Variants in TMEM132C observed in about 807,000 individuals in gnomAD.
TMEM132C encodes the protein transmembrane protein 132C.
A neutral mutation model predicts 61.4 loss-of-function variants in TMEM132C; 29 were observed. That is an observed-to-expected ratio of 0.47 (90% CI 0.35 to 0.64). The LOEUF (loss-of-function observed/expected upper bound fraction) is 0.64, where lower values mean the gene tolerates loss of function less well. TMEM132C is among the 30% of genes least tolerant of loss of function. TMEM132C has a pLI of 0.00. For synonymous variants in TMEM132C, 656 were observed against 633.1 expected (o/e 1.04, Z -0.54); for missense variants, 1,408 against 1,476.9 (o/e 0.95, Z 0.76).
intron 1 of TMEM132C, among the ~76,000 whole-genome samples, chr12:128,330,360 C>T (rs1460659377): frequency 6.6e-6 from 1 of 152,128 alleles, no homozygotes; most frequent in East Asian, 1.9e-4. Context: ...CCATAACCAA[C>T]CTCGAATATG....
chr12:128,329,846 T>C (rs1872627103), intron 1 of TMEM132C, among the ~76,000 whole-genome samples: 1 of 152,128 alleles, frequency 6.6e-6, no homozygotes, highest in African/African-American at 2.4e-5. Context: ...AGCCAAATAT[T>C]TACTCAAGAT....
In TMEM132C at chr12:128,630,555, G is replaced by GTC. The variant is rs1954057464; in HGVS notation, c.1305+14223_1305+14224dup. Among the ~76,000 whole-genome samples the GTC allele has an allele frequency of 6.6e-6, 1 of 152,094 alleles. No homozygotes were observed. The highest frequency in any genetic ancestry group is 1.5e-5 in the Non-Finnish European group (1 of 68,026). On this transcript the variant is annotated intron_variant, in intron 4 of 8. Coordinates refer to ENST00000435159, the MANE Select transcript of TMEM132C (RefSeq NM_001136103.3). The surrounding 1 kb of genome is among the most constrained non-coding windows in gnomAD (Gnocchi z 4.3). ...CTGAGCTTTCCCCACTCCCTTTGCA[G>GTC]TCTCATCTCTGCCAGACACGATGCT...
intron 2 of TMEM132C, among the ~76,000 whole-genome samples, chr12:128,450,553 T>C (rs1451210927): frequency 6.6e-6 from 1 of 152,228 alleles, no homozygotes; most frequent in Non-Finnish European, 1.5e-5. Flanking sequence ...ACTGGTAAGA[T>C]ACCAAATTTT....
At chr12:128,447,774 C>T (rs1297966831) in intron 2 of TMEM132C, among the ~76,000 whole-genome samples, 1 of 80,074 alleles carries the variant, frequency 1.2e-5, no homozygotes, top group African/African-American at 7.2e-5. Context: ...GGCCGGACTG[C>T]GGACTGCAGT....
Position 128,630,681 on chromosome 12 carries a change from A to G in TMEM132C, c.1305+14346A>G, listed in dbSNP as rs1416801406. ...GTCCACTCCCTAGTCCTCACCTTCC[A>G]GATCACTGCTCAATATCTAGTCGAT... On this transcript the variant is annotated intron_variant, in intron 4 of 8. Coordinates refer to ENST00000435159, the MANE Select transcript of TMEM132C (RefSeq NM_001136103.3). This position sits in a 1 kb window ranked among gnomAD's most constrained non-coding sequence, Gnocchi z 4.3. 6.6e-6 allele frequency among the ~76,000 whole-genome samples: 1 copy of G among 152,170 alleles called. No homozygotes were observed. The highest frequency in any genetic ancestry group is 2.4e-5 in the African/African-American group (1 of 41,432).
chr12:128,631,949 C>T (rs1231302187), intron 4 of TMEM132C, among the ~76,000 whole-genome samples: 1 of 152,194 alleles, frequency 6.6e-6, no homozygotes, highest in Non-Finnish European at 1.5e-5. Context: ...TGCCTGCCTC[C>T]CGCATAACCT....
chr12:128,684,488 C>T (rs939155551), intron 5 of TMEM132C, among the ~76,000 whole-genome samples: 11 of 152,312 alleles, frequency 7.2e-5, no homozygotes, highest in Admixed American at 4.6e-4. Context: ...CAAAGTGGGG[C>T]GGGCAACCAG....
intron 5 of TMEM132C, among the ~76,000 whole-genome samples, chr12:128,678,128 A>AGG (rs1954608494): frequency 6.6e-6 from 1 of 152,342 alleles, no homozygotes; most frequent in East Asian, 1.9e-4. Flanking sequence ...TCCCTCCCTA[A>AGG]ACAGCAGGAC....
At chr12:128,696,202 C>T in intron 7 of TMEM132C, 99 bp downstream of exon 7, 1 of 1,433,640 alleles carries the variant, frequency 7.0e-7, no homozygotes, top group Non-Finnish European at 9.4e-7. Context: ...GATTCCCCAA[C>T]CCATGTGTAT....
At chr12:128,513,982 T>C (rs1297937126) in intron 2 of TMEM132C, among the ~76,000 whole-genome samples, 1 of 152,230 alleles carries the variant, frequency 6.6e-6, no homozygotes, top group Non-Finnish European at 1.5e-5. Context: ...GCCTCTTGGC[T>C]GGTCTGAGTT....
intron 3 of TMEM132C, among the ~76,000 whole-genome samples, chr12:128,547,408 A>AT (rs1210854567): frequency 1.3e-5 from 2 of 151,202 alleles, no homozygotes; most frequent in African/African-American, 4.9e-5. Context: ...ACAAAAAAAA[A>AT]AAAAAATTAG....
At chr12:128,467,653 G>A (rs530162339) in intron 2 of TMEM132C, among the ~76,000 whole-genome samples, 4 of 152,286 alleles carry the variant, frequency 2.6e-5, no homozygotes, top group South Asian at 4.1e-4. Context: ...AGTGATAAAG[G>A]AAGCAGGGAA....
At chr12:128,675,704 G>A (rs957509259) in intron 5 of TMEM132C, among the ~76,000 whole-genome samples, 5 of 152,138 alleles carry the variant, frequency 3.3e-5, no homozygotes, top group Admixed American at 3.3e-4. Flanking sequence ...AGGTGGATAT[G>A]TGAATAGATG....
chr12:128,281,069 A>T (rs6486489), intron 1 of TMEM132C, among the ~76,000 whole-genome samples: 76,837 of 152,076 alleles, frequency 0.51, 19,788 homozygotes, highest in African/African-American at 0.61. Flanking sequence ...GCAAGCAAGT[A>T]GTATCTCTTT....
rs1403374546 is a variant in TMEM132C at position 128,419,028 on chromosome 12, T to C, written c.974+3408T>C. 2.0e-5 allele frequency among the ~76,000 whole-genome samples: 3 copies of C among 152,254 alleles called. No homozygotes were observed. In the East Asian group the frequency reaches 5.8e-4, roughly 29 times the overall value. ...ATGTGCAAGTATCCAACCATGACCATTTGCCAGGCATTGTTCTACAGCAGT... is the reference window on the plus strand; with the variant it reads ...ATGTGCAAGTATCCAACCATGACCACTTGCCAGGCATTGTTCTACAGCAGT... On this transcript the variant is annotated intron_variant, in intron 2 of 8. Transcript: ENST00000435159.
intron 4 of TMEM132C, among the ~76,000 whole-genome samples, chr12:128,654,461 G>A (rs1954303970): frequency 6.6e-6 from 1 of 152,168 alleles, no homozygotes; most frequent in Admixed American, 6.5e-5. Flanking sequence ...TTCAGTCGTT[G>A]TATGCCATCC....
intron 3 of TMEM132C, among the ~76,000 whole-genome samples, chr12:128,546,979 T>C (rs980673387): frequency 2.0e-5 from 3 of 152,202 alleles, no homozygotes; most frequent in African/African-American, 7.2e-5. Context: ...TTTGGACACC[T>C]TGGGGTACCG....
chr12:128,613,451 C>T (rs1029238553), intron 3 of TMEM132C, among the ~76,000 whole-genome samples: 1 of 152,212 alleles, frequency 6.6e-6, no homozygotes, highest in African/African-American at 2.4e-5. Context: ...TCAAGAACCA[C>T]CTGTGGGCCT....
intron 3 of TMEM132C, among the ~76,000 whole-genome samples, chr12:128,583,323 G>T (rs761556752): frequency 1.3e-5 from 2 of 151,654 alleles, no homozygotes; most frequent in African/African-American, 4.8e-5. Flanking sequence ...AAATGCAAAG[G>T]CATGCAATGC....
Sources: gnomAD v4.1 joint callset for allele counts (sites outside exome capture counted in the v4.1 genomes callset) on GRCh38, gnomAD v4.1.1 for gene constraint, Gnocchi (gnomAD v3.1) non-coding constraint, MANE v1.5 for transcripts, NCBI Gene and HGNC (gene_info 2026-07-23, HGNC 2026-07-21) for gene names.